PDE1C: variants seen among roughly 807,000 people sequenced by gnomAD.
The protein encoded by PDE1C is dual specificity calcium/calmodulin-dependent 3',5'-cyclic nucleotide phosphodiesterase 1C.
PDE1C carries 62 observed loss-of-function variants against 93.1 expected under a neutral mutation model. The observed-to-expected ratio is 0.67, with a 90% CI of 0.54 to 0.82. PDE1C has a LOEUF of 0.82. Ranked by LOEUF, PDE1C falls within the 40% of genes least tolerant of loss-of-function variation. The pLI, the probability that PDE1C is intolerant of heterozygous loss-of-function variation, is 0.00. For synonymous variants in PDE1C, 325 were observed against 310.1 expected, an observed-to-expected ratio of 1.05 and a Z score of -0.50; for missense variants, 742 against 884.6, an observed-to-expected ratio of 0.84 and a Z score of 2.04.
the PDE1C span, chr7:31,692,575 G>A: frequency 2.0e-4 from 308 of 1,515,114 alleles, 1 homozygote; most frequent in South Asian, 1.6e-3. Flanking sequence ...GAGAAGAGGC[G>A]TCTCAGCCAT....
At chr7:31,892,778 A>C (rs1002269693) in intron 2 of PDE1C, among the ~76,000 whole-genome samples, 1 of 152,138 alleles carries the variant, frequency 6.6e-6, no homozygotes, top group African/African-American at 2.4e-5. Flanking sequence ...CAGGGAAAGG[A>C]GAGATGTTAA....
chr7:31,912,580 C>T (rs1801382692), intron 2 of PDE1C, among the ~76,000 whole-genome samples: 2 of 151,992 alleles, frequency 1.3e-5, no homozygotes, highest in South Asian at 2.1e-4. Context: ...CTAACTACTT[C>T]AGAGGCTGAG....
chr7:32,207,052 G>GTTGAT (rs1226203423), intron 2 of PDE1C, among the ~76,000 whole-genome samples: 1 of 152,180 alleles, frequency 6.6e-6, no homozygotes, highest in Admixed American at 6.5e-5. Context: ...CTGAAGTCAG[G>GTTGAT]TTGATTGGAA....
At chr7:32,052,192 T>C in intron 1 of PDE1C, 1 of 427,794 alleles carries the variant, frequency 2.3e-6, no homozygotes, top group Non-Finnish European at 4.7e-6. Context: ...TGAGAAAGTC[T>C]AGAAGCAAAT....
Position 32,409,552 on chromosome 7 carries a change from T to A in PDE1C, c.310+18270A>T, listed in dbSNP as rs556772516. On this transcript the variant is annotated intron_variant, in intron 1 of 1. Transcript: ENST00000672256. ...AATGCAACAGAACATTAAAGTAATT[T>A]AAAAAAAATCATATCCAAGTAAAGT... Among the ~76,000 whole-genome samples, 182 of 151,880 alleles carry A rather than the reference T, an allele frequency of 1.2e-3. 1 individual carries two copies. The highest frequency in any genetic ancestry group is 3.8e-3 in the African/African-American group (156 of 41,444).
intron 2 of PDE1C, among the ~76,000 whole-genome samples, chr7:31,972,983 G>C (rs1479249717): frequency 6.6e-6 from 1 of 152,066 alleles, no homozygotes; most frequent in African/African-American, 2.4e-5. Flanking sequence ...CATCAGCACT[G>C]GGCAGCCCAA....
chr7:32,023,562 T>G (rs1788993197), intron 2 of PDE1C, among the ~76,000 whole-genome samples: 1 of 152,060 alleles, frequency 6.6e-6, no homozygotes, highest in Admixed American at 6.6e-5. Flanking sequence ...AGACAAAATT[T>G]TGGCACATCC....
chr7:31,616,952 T>C, the PDE1C span, among the ~76,000 whole-genome samples: 1 of 152,192 alleles, frequency 6.6e-6, no homozygotes, highest in African/African-American at 2.4e-5. Context: ...TATTCCAATC[T>C]AGATAATTAT....
intron 2 of PDE1C, among the ~76,000 whole-genome samples, chr7:31,888,243 C>T (rs1583801664): frequency 4.8e-5 from 4 of 83,152 alleles, no homozygotes. Context: ...GAGCGAGACT[C>T]AGTCTCAAAA....
intron 3 of PDE1C, among the ~76,000 whole-genome samples, chr7:32,085,507 G>T (rs1176572598): frequency 6.7e-6 from 1 of 149,456 alleles, no homozygotes; most frequent in African/African-American, 2.5e-5. Context: ...ATTTTCTGAG[G>T]CCAGCATCAT....
chr7:31,953,315 C>T (rs939431751), intron 2 of PDE1C, among the ~76,000 whole-genome samples: 1 of 152,138 alleles, frequency 6.6e-6, no homozygotes, highest in Non-Finnish European at 1.5e-5. Flanking sequence ...TTATATCCTA[C>T]TCATGCTCCA....
At chr7:32,053,463 A>C (rs1793653509) in intron 1 of PDE1C, among the ~76,000 whole-genome samples, 2 of 152,188 alleles carry the variant, frequency 1.3e-5, no homozygotes. Context: ...GTGCCCTTGG[A>C]CTCATTAGCA....
chr7:32,298,824 G>A lies in PDE1C; in HGVS notation c.-89C>T, dbSNP rs1483814934. On this transcript the variant is annotated 5_prime_UTR_variant, in exon 1 of 19. Transcript: ENST00000396193. ...CGGAGTGAGCAGCCCGGGGCTCGGC[G>A]GCGAATCCTCCCCCGGCCGCGCCGC... is the stretch of plus-strand genomic sequence containing the variant. 5.4e-6 allele frequency: 8 copies of A among 1,475,068 alleles called. No individual in the cohort carries two copies. In the Admixed American group the frequency reaches 6.8e-5, roughly 13 times the overall value. The allele number at this position is 1,475,068 out of a possible 1,614,324, so 91.4% of individuals were successfully genotyped here.
chr7:31,695,477 T>C, the PDE1C span: 4 of 1,603,658 alleles, frequency 2.5e-6, no homozygotes, highest in Non-Finnish European at 3.4e-6. Context: ...AGATGATCTT[T>C]CAGACCAGTT....
chr7:32,061,623 G>A (rs1584655594), intron 1 of PDE1C, among the ~76,000 whole-genome samples: 1 of 152,242 alleles, frequency 6.6e-6, no homozygotes, highest in South Asian at 2.1e-4. Flanking sequence ...CAGAAGGTCC[G>A]TGATGAGGGC....
chr7:32,211,452 G>A (rs1806019886), intron 1 of PDE1C, among the ~76,000 whole-genome samples: 1 of 152,064 alleles, frequency 6.6e-6, no homozygotes, highest in Admixed American at 6.6e-5. Context: ...CTCAGTAGAA[G>A]TCTTTAACCA....
At chr7:32,149,949 C>T (rs890255436) in intron 3 of PDE1C, among the ~76,000 whole-genome samples, 2 of 152,202 alleles carry the variant, frequency 1.3e-5, no homozygotes, top group Non-Finnish European at 2.9e-5. Flanking sequence ...CACATTCTGT[C>T]TGGAAAACGG....
chr7:31,695,222 G>A, the PDE1C span, among the ~76,000 whole-genome samples: 6 of 152,202 alleles, frequency 3.9e-5, no homozygotes, highest in Admixed American at 1.3e-4. Flanking sequence ...TCTTTGCCTC[G>A]GTGATCCATC....
intron 3 of PDE1C, among the ~76,000 whole-genome samples, chr7:32,078,174 G>GA (rs965882576): frequency 2.0e-5 from 3 of 152,158 alleles, no homozygotes; most frequent in Admixed American, 6.5e-5. Flanking sequence ...TTTGAATATG[G>GA]AAAAACCTCA....
Sources: gnomAD v4.1 joint callset for allele counts (sites outside exome capture counted in the v4.1 genomes callset) on GRCh38, gnomAD v4.1.1 for gene constraint, MANE v1.5 for transcripts, NCBI Gene and HGNC (gene_info 2026-07-23, HGNC 2026-07-21) for gene names.